Variants in CRISP2 observed in about 807,000 individuals in gnomAD.
CRISP2 encodes cysteine rich secretory protein 2, also known as cysteine-rich secretory protein 2.
Under a neutral mutation model 31.7 loss-of-function variants are expected in CRISP2, and 29 were observed. That is an observed-to-expected ratio of 0.92 (90% CI 0.68 to 1.25). The LOEUF is 1.25. CRISP2 is among the 50% of genes most tolerant of loss of function. The pLI, the probability that CRISP2 is intolerant of heterozygous loss-of-function variation, is 0.00. For missense variants in CRISP2, 318 were observed against 286.5 expected, an observed-to-expected ratio of 1.11 and a Z score of -0.79; for synonymous variants, 111 against 101.4, an observed-to-expected ratio of 1.09 and a Z score of -0.57.
At chr6:49,705,845 T>C (rs1766927250) in intron 4 of CRISP2, among the ~76,000 whole-genome samples, 1 of 152,194 alleles carries the variant, frequency 6.6e-6, no homozygotes, top group Admixed American at 6.5e-5. Context: ...TAGAGGCAGA[T>C]TTTCTTCCCT....
Position 49,698,382 on chromosome 6 carries a change from C to G in CRISP2, c.397G>C (p.Val133Leu). The change falls in exon 7 of 10, where the codon GTT (valine) becomes CTT (leucine). Residue 133 changes from valine (V) to leucine (L), a missense_variant. By Grantham distance (32) the Val-to-Leu change is conservative (BLOSUM62 1). Transcript: ENST00000339139. ...CTTACCTGAGTATAATGTCCAACAA[C>G]TGCATTGGGACTCTTTGGTCCTACA... is the stretch of plus-strand genomic sequence containing the variant. ...YGVGPKSPNA[V>L]VGHYTQLVWY... The G allele has an allele frequency of 6.2e-7, 1 of 1,613,186 alleles. No homozygotes were observed. Among genetic ancestry groups the G allele is most frequent in the Non-Finnish European group, 8.5e-7 (1 of 1,179,564 alleles).
chr6:49,699,721 C>A (rs1489556832), intron 6 of CRISP2, 83 bp downstream of exon 6: 1 of 960,700 alleles, frequency 1.0e-6, no homozygotes, highest in African/African-American at 1.7e-5. Flanking sequence ...TTTTCAAAGT[C>A]TTCTTATTAT....
At chr6:49,699,675 T>A in intron 6 of CRISP2, 129 bp downstream of exon 6, 1 of 653,742 alleles carries the variant, frequency 1.5e-6, no homozygotes, top group Non-Finnish European at 2.6e-6. Context: ...TACAGATACT[T>A]TGACTTCAAA....
At position 49,699,144 on chromosome 6, in the gene CRISP2, T is replaced by A. The variant is rs114495184; in HGVS notation, c.272-637A>T. ...GGCATTTACTAGTTTTTATAATCCT[T>A]GATATGTCTTTTTAAAACTCGAATA... On this transcript the variant is annotated intron_variant, in intron 6 of 9. Transcript: ENST00000339139. Among the ~76,000 whole-genome samples, 903 of 152,206 alleles carry A rather than the reference T, an allele frequency of 5.9e-3. 7 individuals carry two copies. Among genetic ancestry groups the A allele is most frequent in the African/African-American group, 0.018 (736 of 41,550 alleles).
chr6:49,684,284 T>C, the CRISP2 span, among the ~76,000 whole-genome samples: 1 of 152,178 alleles, frequency 6.6e-6, no homozygotes, highest in South Asian at 2.1e-4. Flanking sequence ...CTTTAAAACA[T>C]CTCTAGATTG....
chr6:49,680,984 AC>A, the CRISP2 span, among the ~76,000 whole-genome samples: 1 of 151,324 alleles, frequency 6.6e-6, no homozygotes, highest in African/African-American at 2.4e-5. Flanking sequence ...CTGTACAGAA[AC>A]TCTTTAGTTT....
intron 2 of CRISP2, 41 bp from the exon 3 acceptor site, chr6:49,711,362 A>G (rs1767979533): frequency 6.6e-6 from 1 of 152,206 alleles, no homozygotes; most frequent in Non-Finnish European, 1.5e-5. Context: ...AGCAGCATAT[A>G]TATTACACAT....
chr6:49,699,975 TA>T, intron 5 of CRISP2, 84 bp from the exon 6 acceptor site: 1 of 1,236,870 alleles, frequency 8.1e-7, no homozygotes, highest in Non-Finnish European at 1.2e-6. Flanking sequence ...GTAAATACTT[TA>T]AAATTTCTGT....
chr6:49,683,725 A>ATATATATATATATATAT, the CRISP2 span, among the ~76,000 whole-genome samples: 5 of 117,266 alleles, frequency 4.3e-5, no homozygotes, highest in Non-Finnish European at 9.0e-5. Context: ...ATATATATAG[A>ATATATATATATATATAT]AGTTGATAGG....
intron 4 of CRISP2, among the ~76,000 whole-genome samples, chr6:49,706,527 G>T (rs1241313429): frequency 6.6e-6 from 1 of 152,120 alleles, no homozygotes. Flanking sequence ...TTGTATATTT[G>T]TCTGTGTGTA....
chr6:49,707,625 G>T (rs1033300688), intron 4 of CRISP2, among the ~76,000 whole-genome samples: 1 of 152,122 alleles, frequency 6.6e-6, no homozygotes, highest in Non-Finnish European at 1.5e-5. Flanking sequence ...GATGATGAAT[G>T]AATTATCTGC....
chr6:49,712,898 C>A (rs1404147293), intron 1 of CRISP2, among the ~76,000 whole-genome samples: 2 of 152,120 alleles, frequency 1.3e-5, no homozygotes. Context: ...TTTCAAGACT[C>A]CCAACCCCTT....
At chr6:49,701,742 G>T (rs1384207920) in intron 4 of CRISP2, among the ~76,000 whole-genome samples, 2 of 80,286 alleles carry the variant, frequency 2.5e-5, no homozygotes, top group African/African-American at 5.0e-5. Flanking sequence ...ATATATACAC[G>T]GTATATATAT....
Position 49,692,692 on chromosome 6 carries a change from A to G in CRISP2, c.*81T>C. The G allele has an allele frequency of 7.4e-7, 1 of 1,357,126 alleles. No homozygotes were observed. Among genetic ancestry groups the G allele is most frequent in the Non-Finnish European group, 1.0e-6 (1 of 996,986 alleles). The allele number at this position is 1,357,126 out of a possible 1,614,324, so 84.1% of individuals were successfully genotyped here. A position where few individuals can be genotyped will look rare whatever the true frequency, so the allele number is the denominator to read the frequency against. On this transcript the variant is annotated 3_prime_UTR_variant, in exon 10 of 10. Coordinates refer to ENST00000339139, the MANE Select transcript of CRISP2 (RefSeq NM_003296.4). ...TTGAAATCAAATTTGTCACTAACAT[A>G]CATACAATTTCCACTGGTATGTCGC...
At chr6:49,706,065 C>T (rs1766965311) in intron 4 of CRISP2, among the ~76,000 whole-genome samples, 1 of 152,176 alleles carries the variant, frequency 6.6e-6, no homozygotes, top group Non-Finnish European at 1.5e-5. Flanking sequence ...TCTGCCATTT[C>T]CCCCAGCAAG....
At chr6:49,707,591 G>A (rs1020795059) in intron 4 of CRISP2, among the ~76,000 whole-genome samples, 3 of 152,132 alleles carry the variant, frequency 2.0e-5, no homozygotes, top group Non-Finnish European at 2.9e-5. Context: ...GAAAAGAACA[G>A]CAAATTATTT....
chr6:49,677,770 A>G, the CRISP2 span, among the ~76,000 whole-genome samples: 1 of 152,310 alleles, frequency 6.6e-6, no homozygotes, highest in African/African-American at 2.4e-5. Flanking sequence ...ATAATGAATA[A>G]ACATACACTT....
chr6:49,690,390 A>G (rs183642621), downstream of CRISP2, among the ~76,000 whole-genome samples: 3 of 152,250 alleles, frequency 2.0e-5, no homozygotes, highest in Admixed American at 2.0e-4. Flanking sequence ...GAAACATTTG[A>G]CTGAAATTAA....
intron 9 of CRISP2, 112 bp downstream of exon 9, chr6:49,695,724 T>G: frequency 1.1e-6 from 1 of 906,650 alleles, no homozygotes; most frequent in Non-Finnish European, 1.6e-6. Flanking sequence ...TTGGGTTTTT[T>G]CACCAATACA....
Sources: allele counts gnomAD v4.1 joint callset (sites outside exome capture counted in the v4.1 genomes callset), GRCh38; gene constraint gnomAD v4.1.1; transcripts MANE v1.5; gene names NCBI Gene and HGNC (gene_info 2026-07-23, HGNC 2026-07-21).